ENAH: variants seen among roughly 807,000 people sequenced by gnomAD.
The protein encoded by ENAH is ENAH actin regulator.
Under a neutral mutation model 78.7 loss-of-function variants are expected in ENAH, and 23 were observed. The ratio of observed to expected loss-of-function variants is 0.29; its 90% CI spans 0.21 to 0.41. The LOEUF (loss-of-function observed/expected upper bound fraction) is 0.41, where lower values mean the gene tolerates loss of function less well. Ranked by LOEUF, ENAH falls within the 10% of genes least tolerant of loss-of-function variation. The pLI, the probability that ENAH is intolerant of heterozygous loss-of-function variation, is 1.00. For synonymous variants in ENAH, 226 were observed against 241.0 expected, an observed-to-expected ratio of 0.94 and a Z score of 0.58; for missense variants, 544 against 691.0, an observed-to-expected ratio of 0.79 and a Z score of 2.39.
At chr1:225,514,463 G>A in intron 7 of ENAH, 133 bp downstream of exon 7, 1 of 842,460 alleles carries the variant, frequency 1.2e-6, no homozygotes, top group Non-Finnish European at 1.9e-6. Flanking sequence ...CATTGCGCCA[G>A]GGTAAATTAT....
intron 1 of ENAH, among the ~76,000 whole-genome samples, chr1:225,650,457 T>C (rs920361676): frequency 2.6e-5 from 4 of 152,228 alleles, no homozygotes; most frequent in South Asian, 2.1e-4. Flanking sequence ...CTGACATCTA[T>C]ACATGACAGT....
rs923587538 is a variant in ENAH at position 225,652,906 on chromosome 1, AG to A, written c.-217del. 5 of 394,908 alleles carry A rather than the reference AG, an allele frequency of 1.3e-5. No homozygotes were observed. Among genetic ancestry groups the A allele is most frequent in the African/African-American group, 1.0e-4 (5 of 48,496 alleles). The allele number at this position is 394,908 out of a possible 1,614,324, so 24.5% of individuals were successfully genotyped here. A position where few individuals can be genotyped will look rare whatever the true frequency, so the allele number is the denominator to read the frequency against. ...GAAGAGGGCGAGAGAAAGGCTGGGG[AG>A]GGGGCGGAGAGGCCGAGGCGCGGAG... On this transcript the variant is annotated 5_prime_UTR_variant, in exon 1 of 14. Coordinates refer to ENST00000366843, the MANE Select transcript of ENAH (RefSeq NM_018212.6).
intron 11 of ENAH, among the ~76,000 whole-genome samples, chr1:225,501,964 G>C (rs1362056631): frequency 6.6e-6 from 1 of 152,112 alleles, no homozygotes; most frequent in East Asian, 1.9e-4. Context: ...GCACTCCTCC[G>C]GGTTCTGGTT....
chr1:225,631,191 A>G (rs1321484072), intron 1 of ENAH, among the ~76,000 whole-genome samples: 6 of 152,212 alleles, frequency 3.9e-5, no homozygotes, highest in Admixed American at 2.6e-4. Flanking sequence ...CATAGCAACA[A>G]GATTCTGCAG....
chr1:225,540,850 T>A (rs963573594), intron 3 of ENAH, among the ~76,000 whole-genome samples: 7 of 152,156 alleles, frequency 4.6e-5, no homozygotes, highest in Non-Finnish European at 1.5e-5. Context: ...TAAGAAAGCA[T>A]GCCTAGATAC....
intron 1 of ENAH, among the ~76,000 whole-genome samples, chr1:225,612,475 A>C (rs1026679341): frequency 4.6e-5 from 7 of 152,338 alleles, no homozygotes; most frequent in African/African-American, 1.7e-4. Context: ...TTTTCCACTT[A>C]GGGTGATGAA....
At chr1:225,616,268 A>G (rs1372497790) in intron 1 of ENAH, among the ~76,000 whole-genome samples, 1 of 151,162 alleles carries the variant, frequency 6.6e-6, no homozygotes, top group Non-Finnish European at 1.5e-5. Context: ...TCCCTCCACT[A>G]TTGTCCTATG....
intron 11 of ENAH, among the ~76,000 whole-genome samples, chr1:225,503,666 A>AAAAAC (rs1553413046): frequency 6.7e-6 from 1 of 149,882 alleles, no homozygotes; most frequent in African/African-American, 2.4e-5. Context: ...CTCAAAAAAA[A>AAAAAC]AAAAAAAAAA....
chr1:225,622,565 T>C (rs544758948), intron 1 of ENAH, among the ~76,000 whole-genome samples: 4 of 152,292 alleles, frequency 2.6e-5, no homozygotes, highest in African/African-American at 9.6e-5. Context: ...CTCTGGAGGC[T>C]GGGGAAGTCC....
At chr1:225,552,298 G>A (rs573916982) in intron 3 of ENAH, among the ~76,000 whole-genome samples, 38 of 151,844 alleles carry the variant, frequency 2.5e-4, no homozygotes, top group South Asian at 8.3e-4. Flanking sequence ...CACCACGCCC[G>A]GCTAATTTTT....
chr1:225,519,371 AGGCG>A lies in ENAH; in HGVS notation c.625_628del (p.Arg209TrpfsTer42). 2 of 1,608,806 alleles carry A rather than the reference AGGCG, an allele frequency of 1.2e-6. No individual in the cohort carries two copies. The highest frequency in any genetic ancestry group is 1.1e-5 in the South Asian group (1 of 90,938). On this transcript the variant is annotated frameshift_variant, in exon 5 of 14. Transcript: ENST00000366843. LOFTEE classifies it high-confidence loss of function. Reference sequence around the variant, plus strand: ...CCGCTCCAGGCGTTCCTGCCGCTCCAGGCGTTCCTGCCGCTCCAGGCGTTCCTGC... The same window carrying A: ...CCGCTCCAGGCGTTCCTGCCGCTCCATTCCTGCCGCTCCAGGCGTTCCTGC...
intron 2 of ENAH, among the ~76,000 whole-genome samples, chr1:225,562,036 C>A (rs1032630646): frequency 6.6e-6 from 1 of 152,052 alleles, no homozygotes; most frequent in Non-Finnish European, 1.5e-5. Context: ...CTCCATCCTG[C>A]CTCAGCCTCC....
intron 1 of ENAH, among the ~76,000 whole-genome samples, chr1:225,606,060 C>T (rs1160376675): frequency 6.6e-6 from 1 of 151,964 alleles, no homozygotes; most frequent in African/African-American, 2.4e-5. Context: ...TTTTAATGTT[C>T]CTTTTGGATA....
At chr1:225,550,740 GATTAAAAA>G (rs1437881897) in intron 3 of ENAH, among the ~76,000 whole-genome samples, 1 of 152,028 alleles carries the variant, frequency 6.6e-6, no homozygotes, top group Non-Finnish European at 1.5e-5. Flanking sequence ...ATGTTCAATA[GATTAAAAA>G]ATAAAACCCA....
intron 13 of ENAH, 92 bp from the exon 14 acceptor site, chr1:225,497,904 T>C: frequency 9.3e-7 from 1 of 1,079,914 alleles, no homozygotes; most frequent in Non-Finnish European, 1.3e-6. Context: ...AGGATTGTGC[T>C]CAAACTCACA....
In ENAH at chr1:225,603,315, T is replaced by C. The variant is rs898693536; in HGVS notation, c.6-35901A>G. On this transcript the variant is annotated intron_variant, in intron 1 of 13. Transcript: ENST00000366843. ...AAGTTTAACTACACCGATGGCTCTT[T>C]ATTATATAGCGCTTGAGATACATAC... is the stretch of plus-strand genomic sequence containing the variant. 2.0e-5 allele frequency among the ~76,000 whole-genome samples: 3 copies of C among 152,302 alleles called. No individual in the cohort carries two copies. The South Asian group carries it at 6.2e-4, about 32-fold the overall frequency.
intron 1 of ENAH, 77 bp downstream of exon 1, chr1:225,652,609 C>A: frequency 8.1e-7 from 1 of 1,228,890 alleles, no homozygotes; most frequent in Non-Finnish European, 1.0e-6. Flanking sequence ...AGAGGGAAGG[C>A]GGGGTCCGAG....
At chr1:225,537,648 C>T (rs2151303003) in intron 3 of ENAH, among the ~76,000 whole-genome samples, 1 of 152,060 alleles carries the variant, frequency 6.6e-6, no homozygotes, top group African/African-American at 2.4e-5. Flanking sequence ...TACTTTTTAA[C>T]ACTAGCACTG....
intron 1 of ENAH, among the ~76,000 whole-genome samples, chr1:225,643,667 A>T (rs1661468623): frequency 6.6e-6 from 1 of 152,222 alleles, no homozygotes; most frequent in South Asian, 2.1e-4. Flanking sequence ...TGGACACAGC[A>T]GCTCATGCCT....
Sources: allele counts gnomAD v4.1 joint callset (sites outside exome capture counted in the v4.1 genomes callset), GRCh38; gene constraint gnomAD v4.1.1; transcripts MANE v1.5; gene names NCBI Gene and HGNC (gene_info 2026-07-23, HGNC 2026-07-21).